AGBL1: variants seen among roughly 807,000 people sequenced by gnomAD.
AGBL1 encodes cytosolic carboxypeptidase 4.
A neutral mutation model predicts 118.9 loss-of-function variants in AGBL1; 130 were observed. That is an observed-to-expected ratio of 1.09 (90% CI 0.95 to 1.26). The LOEUF (loss-of-function observed/expected upper bound fraction) is 1.26. AGBL1 is among the 50% of genes most tolerant of loss of function. The pLI, the probability that AGBL1 is intolerant of heterozygous loss-of-function variation, is 0.00. For missense variants in AGBL1, 1,584 were observed against 1,298.1 expected, an observed-to-expected ratio of 1.22 and a Z score of -3.38; for synonymous variants, 555 against 478.9, an observed-to-expected ratio of 1.16 and a Z score of -2.08.
intron 5 of AGBL1, among the ~76,000 whole-genome samples, chr15:86,173,778 T>C (rs2077446053): frequency 6.6e-6 from 1 of 152,138 alleles, no homozygotes; most frequent in African/African-American, 2.4e-5. Context: ...TTTCTGGGTT[T>C]TCTGTTCTGC....
At position 86,924,406 on chromosome 15, in the gene AGBL1, G is replaced by A. The variant is rs544790644; in HGVS notation, c.3222-63581G>A. On this transcript the variant is annotated intron_variant, in intron 23 of 24. Coordinates refer to the AGBL1 transcript ENST00000441037. ...AGGATGCCCAGACCTCATTGATTTG[G>A]TTTATAGTCAGCAAATTACTTTGAA... Among the ~76,000 whole-genome samples the A allele has an allele frequency of 4.0e-4, 61 of 152,292 alleles. 1 individual carries two copies. The South Asian group carries it at 0.013, about 32-fold the overall frequency.
chr15:86,213,178 G>A (rs2078129584), intron 5 of AGBL1, among the ~76,000 whole-genome samples: 1 of 152,146 alleles, frequency 6.6e-6, no homozygotes, highest in Non-Finnish European at 1.5e-5. Flanking sequence ...CTTTTTTTAG[G>A]TGATAGTCCT....
At chr15:86,967,963 G>C (rs2141697887) in intron 23 of AGBL1, among the ~76,000 whole-genome samples, 1 of 152,188 alleles carries the variant, frequency 6.6e-6, no homozygotes, top group Non-Finnish European at 1.5e-5. Context: ...CATGAGCATA[G>C]AATGTTCTTC....
intron 22 of AGBL1, among the ~76,000 whole-genome samples, chr15:86,823,814 G>T (rs2141393956): frequency 6.6e-6 from 1 of 152,076 alleles, no homozygotes; most frequent in African/African-American, 2.4e-5. Context: ...CATAACAACA[G>T]GCTAAAGGAG....
At chr15:86,608,425 C>T (rs2084612018) in intron 21 of AGBL1, among the ~76,000 whole-genome samples, 1 of 152,180 alleles carries the variant, frequency 6.6e-6, no homozygotes, top group Admixed American at 6.5e-5. Context: ...AGAATATTTG[C>T]CTAAACACAA....
At chr15:86,745,213 T>C (rs1596440697) in intron 22 of AGBL1, among the ~76,000 whole-genome samples, 1 of 152,100 alleles carries the variant, frequency 6.6e-6, no homozygotes, top group East Asian at 1.9e-4. Flanking sequence ...ATAATTGCTA[T>C]TTGCTGAGGT....
intron 21 of AGBL1, among the ~76,000 whole-genome samples, chr15:86,617,150 A>G (rs1275252752): frequency 2.6e-5 from 4 of 152,162 alleles, no homozygotes; most frequent in African/African-American, 7.2e-5. Context: ...TGTGATTTCT[A>G]ATTGCATTCT....
rs532025332 is a variant in AGBL1 at position 86,264,463 on chromosome 15, A to G, written c.1292A>G (p.Lys431Arg). ...AGGTCCACTGTGCATCTAGGCTCCA[A>G]AAAAAATCCTGGAGTGAACCTGTAC... ...TGRSTVHLGSKKNPGVNLYQN... is the reference protein window; with the variant it reads ...TGRSTVHLGSRKNPGVNLYQN... Residue 431 changes from lysine (K) to arginine (R), a missense_variant, in exon 11 of 23, where the codon AAA becomes AGA. Transcript: ENST00000614907. 4.3e-6 allele frequency: 7 copies of G among 1,614,024 alleles called. No homozygotes were observed. In the East Asian group the frequency reaches 1.1e-4, roughly 26 times the overall value.
At chr15:86,964,049 G>GTGTGTGTT (rs1438088860) in intron 23 of AGBL1, among the ~76,000 whole-genome samples, 28 of 151,482 alleles carry the variant, frequency 1.8e-4, no homozygotes, top group Non-Finnish European at 3.1e-4. Flanking sequence ...GTGTGTGTGT[G>GTGTGTGTT]TGTGTGTTTG....
chr15:86,683,877 C>T (rs995710124), intron 22 of AGBL1, among the ~76,000 whole-genome samples: 5 of 152,166 alleles, frequency 3.3e-5, no homozygotes, highest in African/African-American at 9.7e-5. Context: ...TCTAAGTTAA[C>T]TCAATAACTT....
chr15:86,890,333 G>A (rs929265186), intron 22 of AGBL1, among the ~76,000 whole-genome samples: 4 of 152,068 alleles, frequency 2.6e-5, no homozygotes, highest in Non-Finnish European at 4.4e-5. Context: ...CTCCCATTCT[G>A]TAGGTTGTTT....
At chr15:86,402,873 G>T (rs905647974) in intron 18 of AGBL1, among the ~76,000 whole-genome samples, 2 of 152,024 alleles carry the variant, frequency 1.3e-5, no homozygotes, top group Non-Finnish European at 2.9e-5. Flanking sequence ...AAGATGGAAG[G>T]TTATGTTAAG....
rs374935320 is a variant in AGBL1 at position 86,425,690 on chromosome 15, T to C, written c.2555+28144T>C. Among the ~76,000 whole-genome samples, 77 of 152,292 alleles carry C rather than the reference T, an allele frequency of 5.1e-4. No individual in the cohort carries two copies. In the South Asian group the frequency reaches 6.4e-3, roughly 13 times the overall value. On this transcript the variant is annotated intron_variant, in intron 18 of 22. Transcript: ENST00000614907. ...TAATTTATAATCAGTGATTTCCAAA[T>C]GTAGTTGATCATCAGAATACCCCAA...
At chr15:86,997,576 G>C (rs1051259809) in intron 24 of AGBL1, among the ~76,000 whole-genome samples, 1 of 152,114 alleles carries the variant, frequency 6.6e-6, no homozygotes, top group African/African-American at 2.4e-5. Context: ...AAGCACAATA[G>C]ATATTGATGG....
chr15:86,541,514 C>T (rs904151559), intron 19 of AGBL1, among the ~76,000 whole-genome samples: 3 of 149,648 alleles, frequency 2.0e-5, no homozygotes, highest in African/African-American at 7.4e-5. Flanking sequence ...ATAACCTGAG[C>T]CCAGGATCTC....
Position 86,164,320 on chromosome 15 carries a change from C to T in AGBL1, c.488+5294C>T, listed in dbSNP as rs927163818. On this transcript the variant is annotated intron_variant, in intron 5 of 22. Transcript: ENST00000614907. ...GGGCCAGAGTGTGCTACCTCTTGCT[C>T]GTTTGTTCCACTGTGGACAAGCTTG... is the stretch of plus-strand genomic sequence containing the variant. 5.3e-5 allele frequency among the ~76,000 whole-genome samples: 8 copies of T among 152,176 alleles called. No individual in the cohort carries two copies. In the South Asian group the frequency reaches 6.2e-4, roughly 12 times the overall value.
intron 18 of AGBL1, among the ~76,000 whole-genome samples, chr15:86,495,089 C>T (rs201738700): frequency 0.017 from 2,523 of 150,650 alleles, 59 homozygotes; most frequent in African/African-American, 0.058. Context: ...TAGTGCGCTC[C>T]GTCTGTCTCG....
At chr15:86,743,053 A>G (rs935671146) in intron 22 of AGBL1, among the ~76,000 whole-genome samples, 3 of 152,130 alleles carry the variant, frequency 2.0e-5, no homozygotes, top group Non-Finnish European at 4.4e-5. Context: ...TGTAAGCTGG[A>G]TGAATGGATG....
chr15:87,021,010 A>C (rs2081658906), intron 24 of AGBL1, among the ~76,000 whole-genome samples: 1 of 152,166 alleles, frequency 6.6e-6, no homozygotes, highest in Non-Finnish European at 1.5e-5. Context: ...TTAAAAATTC[A>C]TATGAAACCA....
Sources: allele counts gnomAD v4.1 joint callset (sites outside exome capture counted in the v4.1 genomes callset), GRCh38; gene constraint gnomAD v4.1.1; transcripts MANE v1.5; gene names NCBI Gene and HGNC (gene_info 2026-07-23, HGNC 2026-07-21).